MRPL24: variants seen among roughly 807,000 people sequenced by gnomAD.
MRPL24 encodes mitochondrial ribosomal protein L24.
MRPL24 carries 15 observed loss-of-function variants against 26.9 expected under a neutral mutation model. That is an observed-to-expected ratio of 0.56 (90% CI 0.37 to 0.86). The LOEUF (loss-of-function observed/expected upper bound fraction) is 0.86. Ranked by LOEUF, MRPL24 falls within the 40% of genes least tolerant of loss-of-function variation. The pLI, the probability that MRPL24 is intolerant of heterozygous loss-of-function variation, is 0.00. For missense variants in MRPL24, 241 were observed against 281.4 expected (o/e 0.86, Z 1.03); for synonymous variants, 92 against 102.4 (o/e 0.90, Z 0.62).
intron 4 of MRPL24, 75 bp downstream of exon 4, chr1:156,737,956 C>T: frequency 1.3e-6 from 2 of 1,487,310 alleles, no homozygotes; most frequent in Admixed American, 1.8e-5. Flanking sequence ...GAGCATCCAA[C>T]CCACCATTCC....
At position 156,737,704 on chromosome 1, in the gene MRPL24, T is replaced by A. The variant is rs1302522668; in HGVS notation, c.456A>T (p.Arg152Ser). 3 of 1,614,064 alleles carry A rather than the reference T, an allele frequency of 1.9e-6. No homozygotes were observed. Among genetic ancestry groups the A allele is most frequent in the Non-Finnish European group, 2.5e-6 (3 of 1,180,024 alleles). The change falls in exon 5 of 6, where the codon AGA (arginine) becomes AGT (serine). Residue 152 changes from arginine (R) to serine (S), a missense_variant. Physicochemically the swap from Arg to Ser is moderately radical, Grantham distance 110. Coordinates refer to ENST00000361531, the MANE Select transcript of MRPL24 (RefSeq NM_145729.3). The stretch of plus-strand genomic sequence containing the variant: ...TGGGAAATTCGGGTTTAGGGATAAT[T>A]CTCCCTGATCGTGTGGAGACTCGTA... Reference protein sequence around the residue: ...ERVRVSTRSGRIIPKPEFPRA... With the variant: ...ERVRVSTRSGSIIPKPEFPRA...
chr1:156,742,474 G>A (rs1650190094), upstream of MRPL24: 1 of 152,666 alleles, frequency 6.6e-6, no homozygotes, highest in East Asian at 1.9e-4. Context: ...TGGGGGCAAC[G>A]ATGGGGAAGG....
chr1:156,739,305 T>C (rs571953750), intron 1 of MRPL24, among the ~76,000 whole-genome samples: 41 of 152,302 alleles, frequency 2.7e-4, no homozygotes, highest in Admixed American at 6.5e-4. Flanking sequence ...GGCCAGACTC[T>C]AGAATTACTG....
At chr1:156,738,285 T>C (rs940525881) in intron 3 of MRPL24, 58 bp downstream of exon 3, 29 of 1,571,776 alleles carry the variant, frequency 1.8e-5, no homozygotes, top group Non-Finnish European at 2.4e-5. Flanking sequence ...CTGCTCTGAA[T>C]GGAGAGGGAC....
Position 156,737,502 on chromosome 1 carries a change from A to C in MRPL24, c.547T>G (p.Leu183Val). Residue 183 changes from leucine (L) to valine (V), a missense_variant, in exon 6 of 6, where the codon TTA (leucine) becomes GTA (valine). Transcript: ENST00000361531. The part of the protein sequence containing the change: ...GPKDTSVEDA[L>V]ERTYVPCLKT... ...AGACAGGGCACATAGGTTCTTTCTA[A>C]AGCATCTTCCACTGATGTGTCTTTG... The C allele has an allele frequency of 6.2e-7, 1 of 1,611,060 alleles. No individual in the cohort carries two copies. The highest frequency in any genetic ancestry group is 8.5e-7 in the Non-Finnish European group (1 of 1,178,656).
At chr1:156,742,319 A>G (rs568877526), upstream of MRPL24, 3 of 152,712 alleles carry the variant, frequency 2.0e-5, no homozygotes, top group East Asian at 3.9e-4. Flanking sequence ...GTGGGTTACA[A>G]ATCAGATCTG....
At chr1:156,737,587 A>AAT in intron 5 of MRPL24, 53 bp from the exon 6 acceptor site, 2 of 1,605,558 alleles carry the variant, frequency 1.2e-6, no homozygotes, top group Non-Finnish European at 1.7e-6. Context: ...AACTTTCATT[A>AAT]ATGTCCCCTA....
At chr1:156,738,171 G>A in intron 3 of MRPL24, 37 bp from the exon 4 acceptor site, 1 of 1,604,562 alleles carries the variant, frequency 6.2e-7, no homozygotes, top group Non-Finnish European at 8.5e-7. Context: ...AGCACGGGGT[G>A]TGAAAGGGGT....
At chr1:156,738,187 C>T (rs992947919) in intron 3 of MRPL24, 53 bp from the exon 4 acceptor site, 5 of 1,593,412 alleles carry the variant, frequency 3.1e-6, no homozygotes, top group Middle Eastern at 1.7e-4. Flanking sequence ...GGGGTTTGCC[C>T]TTGCTACTCG....
chr1:156,738,653 G>C lies in MRPL24; in HGVS notation c.52C>G (p.His18Asp), dbSNP rs746546675. The change falls in exon 2 of 6, where the codon CAT becomes GAT. Residue 18 changes from histidine to aspartate, a missense_variant. His to Asp is a moderately conservative substitution (Grantham distance 81, BLOSUM62 -1). Transcript: ENST00000361531. ...ALASKVTLPP[H>D]YRYGMSPPGS... Reference sequence around the variant, plus strand: ...GGGGGGCTCATCCCATAGCGGTAATGGGGGGGCAGAGTGACCTTGGATGCC... The same window carrying C: ...GGGGGGCTCATCCCATAGCGGTAATCGGGGGGCAGAGTGACCTTGGATGCC... 2.5e-6 allele frequency: 4 copies of C among 1,601,440 alleles called. No individual in the cohort carries two copies. Among genetic ancestry groups the C allele is most frequent in the African/African-American group, 1.4e-5 (1 of 73,904 alleles).
intron 1 of MRPL24, chr1:156,740,533 A>G (rs1650049034): frequency 6.6e-6 from 1 of 152,120 alleles, no homozygotes; most frequent in South Asian, 2.1e-4. Context: ...AGGTTGCCAG[A>G]TGCATCGTAA....
At position 156,738,765 on chromosome 1, in the gene MRPL24, CTGGGCAGA is replaced by C; in HGVS notation, c.-60-9_-60-2del. 5 of 1,483,256 alleles carry C rather than the reference CTGGGCAGA, an allele frequency of 3.4e-6. No individual in the cohort carries two copies. Among genetic ancestry groups the C allele is most frequent in the Non-Finnish European group, 4.5e-6 (5 of 1,101,314 alleles). 91.9% of individuals were successfully genotyped at this position (1,483,256 alleles called of 1,614,324 possible). A position where few individuals can be genotyped will look rare whatever the true frequency, so the allele number is the denominator to read the frequency against. ...ACGCTCGAAACCTTCCTTGTCAGCT[CTGGGCAGA>C]TGGATAGAAACGGGAACAAAGAGGC... On this transcript the variant is annotated splice_acceptor_variant and splice_polypyrimidine_tract_variant and intron_variant, in intron 1 of 5. Coordinates refer to ENST00000361531, the MANE Select transcript of MRPL24 (RefSeq NM_145729.3). LOFTEE classifies it low-confidence loss of function (5UTR_SPLICE).
In MRPL24 at chr1:156,737,761, G is replaced by C. The variant is rs114941158; in HGVS notation, c.399C>G (p.Ile133Met). 1.9e-3 allele frequency: 3,139 copies of C among 1,614,108 alleles called. 55 individuals carry two copies. In the African/African-American group the frequency reaches 0.036, roughly 19 times the overall value. The change falls in exon 5 of 6, where the codon ATC (isoleucine) becomes ATG (methionine). Residue 133 changes from isoleucine to methionine, a missense_variant. By Grantham distance (10) the Ile-to-Met change is conservative (BLOSUM62 1). Transcript: ENST00000361531. ...VDPMDRKPTE[I>M]EWRFTEAGER... ...CTCCTGCTTCAGTAAATCTCCACTC[G>C]ATCTCAGTGGGTTTCCTGGTGGATA...
upstream of MRPL24, chr1:156,742,617 C>A (rs1362667180): frequency 6.5e-6 from 1 of 152,808 alleles, no homozygotes; most frequent in Non-Finnish European, 1.5e-5. Flanking sequence ...TATAAGCTGG[C>A]CTTGAGCACT....
In MRPL24 at chr1:156,739,479, A is replaced by G. The variant is rs570981505; in HGVS notation, c.-60-715T>C. Among the ~76,000 whole-genome samples, 31 of 152,274 alleles carry G rather than the reference A, an allele frequency of 2.0e-4. No individual in the cohort carries two copies. In the South Asian group the frequency reaches 5.0e-3, roughly 24 times the overall value. ...GCTTTCCTGTATCTCATTTATGCCT[A>G]AGGACAACCAAATGAAGAAGTCATG... is the stretch of plus-strand genomic sequence containing the variant. On this transcript the variant is annotated intron_variant, in intron 1 of 5. Transcript: ENST00000361531.
Position 156,738,539 on chromosome 1 carries a change from G to T in MRPL24, c.166C>A (p.Leu56Met), listed in dbSNP as rs1649969025. ...VEPISDEDWY[L>M]FCGDTVEILE... The stretch of plus-strand genomic sequence containing the variant: ...GCTCTCACCGTGTCCCCACAGAACA[G>T]ATACCAGTCTTCATCAGAGATGGGT... Residue 56 changes from leucine (L) to methionine (M), a missense_variant, in exon 2 of 6, where the codon CTG (leucine) becomes ATG (methionine). Physicochemically the swap from Leu to Met is conservative, Grantham distance 15 (BLOSUM62 2). Transcript: ENST00000361531. The T allele has an allele frequency of 6.2e-7, 1 of 1,613,996 alleles. No homozygotes were observed. The highest frequency in any genetic ancestry group is 8.5e-7 in the Non-Finnish European group (1 of 1,180,018).
rs369484764 is a variant in MRPL24 at position 156,738,655 on chromosome 1, G to C, written c.50C>G (p.Pro17Arg). 4 of 1,599,964 alleles carry C rather than the reference G, an allele frequency of 2.5e-6. No homozygotes were observed. Among genetic ancestry groups the C allele is most frequent in the Non-Finnish European group, 3.4e-6 (4 of 1,176,104 alleles). The change falls in exon 2 of 6, where the codon CCC becomes CGC. Residue 17 changes from proline (P) to arginine (R), a missense_variant. Coordinates refer to ENST00000361531, the MANE Select transcript of MRPL24 (RefSeq NM_145729.3). The part of the protein sequence containing the change: ...LALASKVTLP[P>R]HYRYGMSPPG... ...GGGGCTCATCCCATAGCGGTAATGGGGGGGCAGAGTGACCTTGGATGCCAA... is the reference window on the plus strand; with the variant it reads ...GGGGCTCATCCCATAGCGGTAATGGCGGGGCAGAGTGACCTTGGATGCCAA...
upstream of MRPL24, chr1:156,741,738 A>T (rs1650129133): frequency 6.6e-6 from 1 of 152,220 alleles, no homozygotes; most frequent in Non-Finnish European, 1.5e-5. Context: ...AGAAAGGGTT[A>T]TCCTATTATT....
rs773636766 is a variant in MRPL24 at position 156,738,446 on chromosome 1, A to C, written c.184-8T>G. The C allele has an allele frequency of 1.9e-6, 3 of 1,613,696 alleles. No individual in the cohort carries two copies. The African/African-American group carries it at 4.0e-5, about 22-fold the overall frequency. On this transcript the variant is annotated splice_region_variant and splice_polypyrimidine_tract_variant and intron_variant, in intron 2 of 5. Transcript: ENST00000361531. Reference sequence around the variant, plus strand: ...GCCTTCTAGGATCTCCACCTGTGGGAAGATACGAAGGTTAGGGAGGGGGAT... The same window carrying C: ...GCCTTCTAGGATCTCCACCTGTGGGCAGATACGAAGGTTAGGGAGGGGGAT...
Sources: gnomAD v4.1 joint callset for allele counts (sites outside exome capture counted in the v4.1 genomes callset) on GRCh38, gnomAD v4.1.1 for gene constraint, MANE v1.5 for transcripts, NCBI Gene and HGNC (gene_info 2026-07-23, HGNC 2026-07-21) for gene names.